Variants in ZBTB7C observed in about 807,000 individuals in gnomAD.
ZBTB7C encodes the protein zinc finger and BTB domain-containing protein 7C.
Under a neutral mutation model 25.7 loss-of-function variants are expected in ZBTB7C, and 8 were observed. That is an observed-to-expected ratio of 0.31 (90% CI 0.18 to 0.56). The LOEUF (loss-of-function observed/expected upper bound fraction) is 0.56, where lower values mean the gene tolerates loss of function less well. Ranked by LOEUF, ZBTB7C falls within the 20% of genes least tolerant of loss-of-function variation. ZBTB7C has a pLI of 0.91. For missense variants in ZBTB7C, 824 were observed against 855.2 expected, an observed-to-expected ratio of 0.96 and a Z score of 0.46; for synonymous variants, 394 against 369.0, an observed-to-expected ratio of 1.07 and a Z score of -0.78.
At chr18:48,192,192 G>A (rs2042213869) in intron 2 of ZBTB7C, among the ~76,000 whole-genome samples, 1 of 152,184 alleles carries the variant, frequency 6.6e-6, no homozygotes. Flanking sequence ...ATGAAAGCAG[G>A]TGAAAGAAGG....
intron 2 of ZBTB7C, among the ~76,000 whole-genome samples, chr18:48,257,331 G>A (rs1466108708): frequency 2.6e-5 from 4 of 152,042 alleles, no homozygotes; most frequent in Non-Finnish European, 4.4e-5. Flanking sequence ...CAATAACAGA[G>A]CTTTGAAAAA....
At position 48,345,615 on chromosome 18, in the gene ZBTB7C, T is replaced by C. The variant is rs369380810; in HGVS notation, c.-303-7217A>G. Among the ~76,000 whole-genome samples, 53 of 152,174 alleles carry C rather than the reference T, an allele frequency of 3.5e-4. 1 individual carries two copies. The South Asian group carries it at 6.9e-3, about 20-fold the overall frequency. ...CTCCTGGGCGGGTATTTCAGGAGTA[T>C]ATTTCTGTCTCTTCAGCATGCTCCT... On this transcript the variant is annotated intron_variant, in intron 1 of 4. Transcript: ENST00000590800.
chr18:48,164,411 C>T (rs996780813), intron 3 of ZBTB7C, among the ~76,000 whole-genome samples: 2 of 152,162 alleles, frequency 1.3e-5, no homozygotes, highest in Non-Finnish European at 2.9e-5. Flanking sequence ...CATGCACATA[C>T]ACACACTCTC....
chr18:48,084,378 C>A (rs1006059877), intron 3 of ZBTB7C, among the ~76,000 whole-genome samples: 4 of 152,178 alleles, frequency 2.6e-5, no homozygotes, highest in Non-Finnish European at 4.4e-5. Flanking sequence ...TCACATCACA[C>A]TCTATTTCAT....
intron 3 of ZBTB7C, among the ~76,000 whole-genome samples, chr18:48,054,316 C>T (rs996717568): frequency 7.9e-5 from 12 of 152,166 alleles, no homozygotes; most frequent in Admixed American, 1.3e-4. Flanking sequence ...TATCTCCTGA[C>T]CCAGGAAGCC....
chr18:48,299,727 C>T lies in ZBTB7C; in HGVS notation c.-79+38447G>A, dbSNP rs145406561. Among the ~76,000 whole-genome samples, 67 of 152,314 alleles carry T rather than the reference C, an allele frequency of 4.4e-4. 1 individual carries two copies. In the East Asian group the frequency reaches 0.012, roughly 27 times the overall value. ...AGGCTGAAGGAGGATGGGAATATGCCAGGCAGAGCGCAGCATGTGCAAAGG... is the reference window on the plus strand; with the variant it reads ...AGGCTGAAGGAGGATGGGAATATGCTAGGCAGAGCGCAGCATGTGCAAAGG... On this transcript the variant is annotated intron_variant, in intron 2 of 4. Transcript: ENST00000590800.
intron 3 of ZBTB7C, among the ~76,000 whole-genome samples, chr18:48,124,740 C>G (rs1457896415): frequency 2.6e-5 from 4 of 152,210 alleles, no homozygotes; most frequent in Non-Finnish European, 5.9e-5. Context: ...GCCCAGGGGG[C>G]TCCAGTTCCT....
intron 1 of ZBTB7C, among the ~76,000 whole-genome samples, chr18:48,361,858 C>T (rs2047114277): frequency 6.6e-6 from 1 of 152,208 alleles, no homozygotes; most frequent in Admixed American, 6.5e-5. Flanking sequence ...GAGGAAGGAA[C>T]AGAAGCTGTG....
At chr18:48,102,161 G>A (rs2038854491) in intron 3 of ZBTB7C, among the ~76,000 whole-genome samples, 1 of 152,198 alleles carries the variant, frequency 6.6e-6, no homozygotes. Context: ...ACAGGAATTG[G>A]TCATCATCAC....
intron 3 of ZBTB7C, among the ~76,000 whole-genome samples, chr18:48,082,685 G>A (rs2038036613): frequency 6.6e-6 from 1 of 150,896 alleles, no homozygotes; most frequent in South Asian, 2.1e-4. Context: ...AGTACCTCCC[G>A]TGCGCTGGGC....
intron 2 of ZBTB7C, among the ~76,000 whole-genome samples, chr18:48,276,095 T>G (rs9954232): frequency 6.6e-6 from 1 of 152,062 alleles, no homozygotes; most frequent in African/African-American, 2.4e-5. Flanking sequence ...TAAAAGATCA[T>G]TGAGACAGTA....
intron 2 of ZBTB7C, among the ~76,000 whole-genome samples, chr18:48,313,597 G>A (rs2045874051): frequency 6.6e-6 from 1 of 152,230 alleles, no homozygotes; most frequent in African/African-American, 2.4e-5. Flanking sequence ...GAGCTTGCTA[G>A]AAATGTAGAG....
intron 2 of ZBTB7C, among the ~76,000 whole-genome samples, chr18:48,284,523 G>A (rs1217651719): frequency 1.3e-5 from 2 of 152,128 alleles, no homozygotes; most frequent in African/African-American, 4.8e-5. Flanking sequence ...GCTGGGCGTG[G>A]TGGCTTATAC....
Position 48,213,469 on chromosome 18 carries a change from A to G in ZBTB7C, c.-78-27474T>C, listed in dbSNP as rs569928219. ...CTTTCCCTGAACCTTTCCGTCTTCA[A>G]TGGTTTCTCCTGTGCGTGCTAGAGA... On this transcript the variant is annotated intron_variant, in intron 2 of 4. Coordinates refer to ENST00000590800, the MANE Select transcript of ZBTB7C (RefSeq NM_001318841.2). Among the ~76,000 whole-genome samples, 3 of 152,328 alleles carry G rather than the reference A, an allele frequency of 2.0e-5. No individual in the cohort carries two copies. In the East Asian group the frequency reaches 5.8e-4, roughly 29 times the overall value.
In ZBTB7C at chr18:48,030,002, G is replaced by A. The variant is rs2035677424; in HGVS notation, c.1209-91C>T. 34 of 1,541,582 alleles carry A rather than the reference G, an allele frequency of 2.2e-5. 2 individuals carry two copies. In the South Asian group the frequency reaches 3.9e-4, roughly 18 times the overall value. Reference sequence around the variant, plus strand: ...CCCCCTTTCTCCAGAACCAGCCGAGGCTCCCTACTGCCATGGAGTCAAACC... The same window carrying A: ...CCCCCTTTCTCCAGAACCAGCCGAGACTCCCTACTGCCATGGAGTCAAACC... On this transcript the variant is annotated intron_variant, in intron 4 of 4. Transcript: ENST00000590800.
chr18:48,137,783 G>T (rs1168804942), intron 3 of ZBTB7C, among the ~76,000 whole-genome samples: 1 of 152,250 alleles, frequency 6.6e-6, no homozygotes, highest in Non-Finnish European at 1.5e-5. Context: ...TATCACGCAG[G>T]CTGACTCAGA....
chr18:48,298,096 T>C (rs1039651807), intron 2 of ZBTB7C, among the ~76,000 whole-genome samples: 6 of 152,088 alleles, frequency 3.9e-5, no homozygotes, highest in African/African-American at 1.4e-4. Flanking sequence ...CTGGCCAGCA[T>C]GGTGAAACCC....
intron 3 of ZBTB7C, among the ~76,000 whole-genome samples, chr18:48,105,403 A>G (rs1166134161): frequency 6.6e-6 from 1 of 152,206 alleles, no homozygotes; most frequent in Non-Finnish European, 1.5e-5. Flanking sequence ...CAGAGGCACT[A>G]TTGCACCTCA....
intron 2 of ZBTB7C, among the ~76,000 whole-genome samples, chr18:48,202,414 G>A (rs568305160): frequency 6.1e-5 from 9 of 148,462 alleles, no homozygotes; most frequent in African/African-American, 2.2e-4. Context: ...CCTTCCAGGT[G>A]AGAGAAAGTG....
Sources: gnomAD v4.1 joint callset for allele counts (sites outside exome capture counted in the v4.1 genomes callset) on GRCh38, gnomAD v4.1.1 for gene constraint, MANE v1.5 for transcripts, NCBI Gene and HGNC (gene_info 2026-07-23, HGNC 2026-07-21) for gene names.